The following ANKRD7 variants were observed in gnomAD, a reference collection of about 807,000 sequenced individuals.
ANKRD7 encodes ankyrin repeat domain 7.
ANKRD7 carries 30 observed loss-of-function variants against 30.8 expected under a neutral mutation model. That is an observed-to-expected ratio of 0.97 (90% CI 0.73 to 1.32). The LOEUF (loss-of-function observed/expected upper bound fraction) is 1.32. Among genes scored for constraint, ANKRD7 ranks in the 40% most tolerant of loss-of-function variants. The pLI is 0.00. For missense variants in ANKRD7, 264 were observed against 295.7 expected, an observed-to-expected ratio of 0.89 and a Z score of 0.79; for synonymous variants, 97 against 106.6, an observed-to-expected ratio of 0.91 and a Z score of 0.55.
Position 118,224,890 on chromosome 7 carries a change from C to A in ANKRD7, c.60C>A (p.Asn20Lys), listed in dbSNP as rs781048286. Residue 20 changes from asparagine (N) to lysine (K), a missense_variant, in exon 1 of 7, where the codon AAC becomes AAA. By Grantham distance (94) the Asn-to-Lys change is moderately conservative. Coordinates refer to ENST00000265224, the MANE Select transcript of ANKRD7 (RefSeq NM_019644.4). ...ATGAGACCCGCAGCCAGGGCTACAACCTTCGAGAAAAGGATTTAAAGAAAC... is the reference window on the plus strand; with the variant it reads ...ATGAGACCCGCAGCCAGGGCTACAAACTTCGAGAAAAGGATTTAAAGAAAC... ...RKNETRSQGY[N>K]LREKDLKKLH... The A allele has an allele frequency of 3.1e-6, 5 of 1,614,072 alleles. No individual in the cohort carries two copies. The African/African-American group carries it at 6.7e-5, about 22-fold the overall frequency.
Position 118,234,415 on chromosome 7 carries a change from T to C in ANKRD7, c.180-16T>C. On this transcript the variant is annotated splice_polypyrimidine_tract_variant and intron_variant, in intron 1 of 6. Coordinates refer to ENST00000265224, the MANE Select transcript of ANKRD7 (RefSeq NM_019644.4). ...AAGACTTATCTCTAACTTTGTGTTTTGTTTTATTGACATAGAACACCTTTG... is the reference window on the plus strand; with the variant it reads ...AAGACTTATCTCTAACTTTGTGTTTCGTTTTATTGACATAGAACACCTTTG... 4 of 1,524,738 alleles carry C rather than the reference T, an allele frequency of 2.6e-6. No individual in the cohort carries two copies. The highest frequency in any genetic ancestry group is 2.8e-5 in the African/African-American group (2 of 71,536). 94.5% of individuals were successfully genotyped at this position (1,524,738 alleles called of 1,614,324 possible). A position where few individuals can be genotyped will look rare whatever the true frequency, so the allele number is the denominator to read the frequency against.
intron 1 of ANKRD7, among the ~76,000 whole-genome samples, chr7:118,232,720 T>TGTGTGTGTGTGTGTGTG (rs1562872732): frequency 6.9e-6 from 1 of 145,922 alleles, no homozygotes; most frequent in Non-Finnish European, 1.5e-5. Flanking sequence ...AGCAGTGTGT[T>TGTGTGTGTGTGTGTGTG]TGTGTGTGTG....
chr7:118,228,084 G>C, intron 1 of ANKRD7: 1 of 1,270,002 alleles, frequency 7.9e-7, no homozygotes, highest in South Asian at 1.3e-5. Flanking sequence ...TGCCATATCA[G>C]TGGTATTTGA....
chr7:118,228,352 T>TAC, intron 1 of ANKRD7, among the ~76,000 whole-genome samples: 1 of 152,286 alleles, frequency 6.6e-6, no homozygotes, highest in Non-Finnish European at 1.5e-5. Flanking sequence ...TATTTATACT[T>TAC]AGATATATAA....
chr7:118,238,277 C>T lies in ANKRD7; in HGVS notation c.712+1351C>T, dbSNP rs116022711. On this transcript the variant is annotated intron_variant, in intron 5 of 6. Coordinates refer to ENST00000265224, the MANE Select transcript of ANKRD7 (RefSeq NM_019644.4). ...CTTAATAGATTCATATTTTCAATGT[C>T]GAAAATTGTAAGAGAATTACATTTT... Among the ~76,000 whole-genome samples, 1,283 of 151,680 alleles carry T rather than the reference C, an allele frequency of 8.5e-3. 18 individuals carry two copies. The highest frequency in any genetic ancestry group is 0.029 in the African/African-American group (1,213 of 41,364).
chr7:118,239,945 A>G lies in ANKRD7; in HGVS notation c.749A>G (p.Lys250Arg), dbSNP rs780161800. 2.4e-5 allele frequency: 39 copies of G among 1,598,800 alleles called. No homozygotes were observed. The South Asian group carries it at 4.1e-4, about 17-fold the overall frequency. ...YPQFTASHGK[K>R]KHAK ...CAATTCACTGCGAGCCATGGAAAGAAGAAACATGCTAAATAGACACCTTAT... is the reference window on the plus strand; with the variant it reads ...CAATTCACTGCGAGCCATGGAAAGAGGAAACATGCTAAATAGACACCTTAT... Residue 250 changes from lysine (K) to arginine (R), a missense_variant, in exon 6 of 7, where the codon AAG (lysine) becomes AGG (arginine). Physicochemically the swap from Lys to Arg is conservative, Grantham distance 26. Coordinates refer to ENST00000265224, the MANE Select transcript of ANKRD7 (RefSeq NM_019644.4).
At chr7:118,225,032 G>A (rs144873669) in intron 1 of ANKRD7, 23 bp downstream of exon 1, 7 of 1,612,082 alleles carry the variant, frequency 4.3e-6, no homozygotes, top group Admixed American at 1.7e-5. Flanking sequence ...AAGAGCCAGC[G>A]CGGGAGGACG....
intron 1 of ANKRD7, among the ~76,000 whole-genome samples, chr7:118,230,379 G>C (rs892965416): frequency 2.2e-4 from 33 of 151,746 alleles, no homozygotes; most frequent in African/African-American, 7.3e-4. Context: ...CAGAAGCACA[G>C]CATTATGCAA....
chr7:118,237,371 C>A (rs1401047747), intron 5 of ANKRD7, among the ~76,000 whole-genome samples: 1 of 151,996 alleles, frequency 6.6e-6, no homozygotes, highest in Non-Finnish European at 1.5e-5. Context: ...TCTATTTACA[C>A]CCAAAAGAAA....
At chr7:118,236,550 A>G (rs1809733368) in intron 4 of ANKRD7, among the ~76,000 whole-genome samples, 1 of 152,196 alleles carries the variant, frequency 6.6e-6, no homozygotes, top group South Asian at 2.1e-4. Flanking sequence ...GCTTCCAGGA[A>G]GAAGAGATTG....
Position 118,224,951 on chromosome 7 carries a change from C to T in ANKRD7, c.121C>T (p.Leu41=), listed in dbSNP as rs1279455359. 1 of 1,614,008 alleles carries T rather than the reference C, an allele frequency of 6.2e-7. No individual in the cohort carries two copies. Among genetic ancestry groups the T allele is most frequent in the Non-Finnish European group, 8.5e-7 (1 of 1,180,032 alleles). The change falls in exon 1 of 7, where the codon CTG becomes TTG. Residue 41 remains leucine (L), a synonymous_variant. Coordinates refer to ENST00000265224, the MANE Select transcript of ANKRD7 (RefSeq NM_019644.4). ...TGCTTCAGTCGGGGATTTGAAGAAG[C>T]TGAAGGAATACCTTCAGATCAAGAA... ...RAASVGDLKK[L]KEYLQIKKYD... is the part of the protein sequence containing the mutation.
At chr7:118,227,129 T>G (rs2115994097) in intron 1 of ANKRD7, among the ~76,000 whole-genome samples, 1 of 152,294 alleles carries the variant, frequency 6.6e-6, no homozygotes, top group Non-Finnish European at 1.5e-5. Flanking sequence ...CCTTTCTTTC[T>G]TTTTTGTGTA....
At chr7:118,228,661 T>C (rs1180586813) in intron 1 of ANKRD7, among the ~76,000 whole-genome samples, 1 of 152,230 alleles carries the variant, frequency 6.6e-6, no homozygotes, top group Admixed American at 6.5e-5. Flanking sequence ...ATGTTGTCTT[T>C]CAATTGCTTA....
At chr7:118,235,182 C>A (rs1214114552) in intron 3 of ANKRD7, among the ~76,000 whole-genome samples, 1 of 152,062 alleles carries the variant, frequency 6.6e-6, no homozygotes, top group Non-Finnish European at 1.5e-5. Flanking sequence ...TGATAAAAAT[C>A]ATAAAACCCA....
chr7:118,227,920 T>TTTTAAAAAA, intron 1 of ANKRD7: 1 of 1,345,136 alleles, frequency 7.4e-7, no homozygotes. Flanking sequence ...TTTTTTTTTT[T>TTTTAAAAAA]AACAAAAACA....
chr7:118,229,718 G>A (rs1238719911), intron 1 of ANKRD7, among the ~76,000 whole-genome samples: 1 of 151,842 alleles, frequency 6.6e-6, no homozygotes, highest in African/African-American at 2.4e-5. Flanking sequence ...TAGCATACAG[G>A]AAGCAACAAA....
intron 3 of ANKRD7, 29 bp from the exon 4 acceptor site, chr7:118,236,012 T>G: frequency 8.0e-7 from 1 of 1,257,862 alleles, no homozygotes. Flanking sequence ...TGCTACAATA[T>G]TTTAATCATT....
intron 6 of ANKRD7, among the ~76,000 whole-genome samples, chr7:118,241,062 G>A (rs1251605377): frequency 6.8e-6 from 1 of 148,024 alleles, no homozygotes; most frequent in African/African-American, 2.5e-5. Flanking sequence ...GCTGAGGCAG[G>A]AGAATGGCGT....
At chr7:118,233,034 G>C (rs1809666921) in intron 1 of ANKRD7, among the ~76,000 whole-genome samples, 1 of 152,042 alleles carries the variant, frequency 6.6e-6, no homozygotes, top group Non-Finnish European at 1.5e-5. Context: ...CTGTAAATGT[G>C]AACAGAAAGC....
Sources: allele counts gnomAD v4.1 joint callset (sites outside exome capture counted in the v4.1 genomes callset), GRCh38; gene constraint gnomAD v4.1.1; transcripts MANE v1.5; gene names NCBI Gene and HGNC (gene_info 2026-07-23, HGNC 2026-07-21).